YBEY: variants seen among roughly 807,000 people sequenced by gnomAD.
YBEY encodes ybeY metalloendoribonuclease.
Under a neutral mutation model 13.5 loss-of-function variants are expected in YBEY, and 15 were observed. That is an observed-to-expected ratio of 1.11 (90% CI 0.75 to 1.72). The LOEUF is 1.72. Among genes scored for constraint, YBEY ranks in the 40% most tolerant of loss-of-function variants. The pLI, the probability that YBEY is intolerant of heterozygous loss-of-function variation, is 0.00. For synonymous variants in YBEY, 101 were observed against 83.1 expected (o/e 1.21, Z -1.17); for missense variants, 244 against 208.4 (o/e 1.17, Z -1.05).
Position 46,286,926 on chromosome 21 carries a change from A to T in YBEY, c.13A>T (p.Ile5Phe). The stretch of plus-strand genomic sequence containing the variant: ...TATTCTTCCTGAAATGAGTTTGGTG[A>T]TTAGAAATCTGCAGCGAGTCATCCC... MSLVIRNLQRVIPIR... is the reference protein window; with the variant it reads MSLVFRNLQRVIPIR... The change falls in exon 2 of 5, where the codon ATT becomes TTT. Residue 5 changes from isoleucine to phenylalanine, a missense_variant. Coordinates refer to ENST00000397701, the MANE Select transcript of YBEY (RefSeq NM_001314025.2). 6.2e-7 allele frequency: 1 copy of T among 1,613,860 alleles called. No individual in the cohort carries two copies. The highest frequency in any genetic ancestry group is 8.5e-7 in the Non-Finnish European group (1 of 1,179,956).
chr21:46,297,690 G>C lies in YBEY; in HGVS notation c.*56G>C, dbSNP rs929833587. 7.9e-7 allele frequency: 1 copy of C among 1,271,516 alleles called. No homozygotes were observed. 78.8% of individuals were successfully genotyped at this position (1,271,516 alleles called of 1,614,324 possible). A position where few individuals can be genotyped will look rare whatever the true frequency, so the allele number is the denominator to read the frequency against. The stretch of plus-strand genomic sequence containing the variant: ...GGAGGGGTGGAGGCTGCGGGGAGCC[G>C]GGGTCGCACACGAATAAATAACGAA... On this transcript the variant is annotated 3_prime_UTR_variant, in exon 5 of 5. Transcript: ENST00000397701.
At chr21:46,302,888 C>T in the YBEY span, among the ~76,000 whole-genome samples, 1 of 88,260 alleles carries the variant, frequency 1.1e-5, no homozygotes, top group Non-Finnish European at 2.2e-5. Flanking sequence ...GCACACGGTG[C>T]GGGTCCCCGG....
intron 4 of YBEY, 138 bp from the exon 5 acceptor site, chr21:46,297,401 C>CT: frequency 1.6e-6 from 1 of 612,902 alleles, no homozygotes. Context: ...CCGGGTCCCG[C>CT]CTTCGGCCTG....
At chr21:46,287,147 T>G (rs2081477708) in intron 2 of YBEY, 24 bp downstream of exon 2, 1 of 1,122,426 alleles carries the variant, frequency 8.9e-7, no homozygotes, top group Admixed American at 2.5e-5. Flanking sequence ...GTTCCTCTTC[T>G]TGTCTAGCCC....
At chr21:46,293,341 CGTGCCCGGG>C (rs1483667724) in intron 3 of YBEY, among the ~76,000 whole-genome samples, 73 of 57,506 alleles carry the variant, frequency 1.3e-3, no homozygotes, top group Admixed American at 2.4e-3. Context: ...TAGCCTGACC[CGTGCCCGGG>C]ACTCAGTGGA....
downstream of YBEY, chr21:46,297,848 C>T (rs1419312446): frequency 2.7e-6 from 3 of 1,102,574 alleles, no homozygotes; most frequent in South Asian, 4.7e-5. Context: ...GGCCCCCGCC[C>T]GGGAGCACCG....
intron 3 of YBEY, among the ~76,000 whole-genome samples, chr21:46,295,688 A>C (rs2081928544): frequency 6.6e-6 from 1 of 150,556 alleles, no homozygotes; most frequent in African/African-American, 2.5e-5. Flanking sequence ...CTCTACCCAG[A>C]GTGTTCAGTA....
At chr21:46,303,725 ATATATATATATATATATATATTTTTT>A in the YBEY span, among the ~76,000 whole-genome samples, 7 of 26,216 alleles carry the variant, frequency 2.7e-4, no homozygotes, top group African/African-American at 1.0e-3. Context: ...ATATATATAT[ATATATATATATATATATATATTTTTT>A]TTTTTTTTTT....
intron 4 of YBEY, 141 bp downstream of exon 4, chr21:46,296,371 A>T (rs941873820): frequency 1.1e-6 from 1 of 907,202 alleles, no homozygotes. Context: ...AATGACACAG[A>T]TGTTTGCTTT....
At chr21:46,291,865 C>T in intron 3 of YBEY, 1 of 1,039,082 alleles carries the variant, frequency 9.6e-7, no homozygotes. Flanking sequence ...CTGCCCACTG[C>T]ACAGACAAAA....
chr21:46,309,418 C>T, the YBEY span, among the ~76,000 whole-genome samples: 2 of 150,102 alleles, frequency 1.3e-5, no homozygotes, highest in African/African-American at 2.5e-5. Context: ...GCCGAGATTG[C>T]GCCACTTCAC....
the YBEY span, among the ~76,000 whole-genome samples, chr21:46,312,538 C>T: frequency 6.6e-6 from 1 of 152,028 alleles, no homozygotes; most frequent in Non-Finnish European, 1.5e-5. Context: ...AGGCTGGTCT[C>T]GAACTCCTGA....
chr21:46,305,503 T>C, the YBEY span, among the ~76,000 whole-genome samples: 3 of 151,952 alleles, frequency 2.0e-5, no homozygotes, highest in African/African-American at 7.3e-5. Context: ...CTAATTTTGA[T>C]ATGTTTTGTA....
the YBEY span, among the ~76,000 whole-genome samples, chr21:46,306,287 T>A: frequency 6.6e-6 from 1 of 152,020 alleles, no homozygotes; most frequent in Non-Finnish European, 1.5e-5. Flanking sequence ...GGAGGGTGGA[T>A]CATGAGGTTC....
the YBEY span, among the ~76,000 whole-genome samples, chr21:46,309,782 G>A: frequency 6.6e-6 from 1 of 152,026 alleles, no homozygotes; most frequent in Non-Finnish European, 1.5e-5. Flanking sequence ...GGATCATGAG[G>A]TCAGGAGTTC....
intron 1 of YBEY, 39 bp from the exon 2 acceptor site, chr21:46,286,831 A>G: frequency 7.9e-7 from 1 of 1,269,118 alleles, no homozygotes; most frequent in Non-Finnish European, 1.1e-6. Flanking sequence ...CCGTATTATC[A>G]CTTGTACTGA....
chr21:46,309,593 G>C, the YBEY span, among the ~76,000 whole-genome samples: 1 of 152,090 alleles, frequency 6.6e-6, no homozygotes, highest in Non-Finnish European at 1.5e-5. Context: ...GCAATTAGAA[G>C]GAACCATTTA....
At chr21:46,299,100 T>G (rs2082046375), downstream of YBEY, among the ~76,000 whole-genome samples, 1 of 149,964 alleles carries the variant, frequency 6.7e-6, no homozygotes, top group Non-Finnish European at 1.5e-5. Flanking sequence ...CCAGGTAGCT[T>G]GTACTACATG....
chr21:46,294,612 C>G lies in YBEY; in HGVS notation c.340-1550C>G, dbSNP rs1470921411. Among the ~76,000 whole-genome samples, 96 of 39,930 alleles carry G rather than the reference C, an allele frequency of 2.4e-3. 5 individuals carry two copies. The highest frequency in any genetic ancestry group is 4.2e-3 in the African/African-American group (68 of 16,326). The allele number at this position is 39,930 out of a possible 152,430, so 26.2% of individuals were successfully genotyped here. On this transcript the variant is annotated intron_variant, in intron 3 of 4. Transcript: ENST00000397701. Reference sequence around the variant, plus strand: ...GTTAGCCTGACCCGTGCCCGGGACTCAGTGGGGACAGCCACGCAAGTTAGA... The same window carrying G: ...GTTAGCCTGACCCGTGCCCGGGACTGAGTGGGGACAGCCACGCAAGTTAGA...
Sources: allele counts gnomAD v4.1 joint callset (sites outside exome capture counted in the v4.1 genomes callset), GRCh38; gene constraint gnomAD v4.1.1; transcripts MANE v1.5; gene names NCBI Gene and HGNC (gene_info 2026-07-23, HGNC 2026-07-21).